Variants in MAPKAP1 observed in about 807,000 individuals in gnomAD.
MAPKAP1 encodes the protein MAPK associated protein 1.
A neutral mutation model predicts 65.7 loss-of-function variants in MAPKAP1; 20 were observed. That is an observed-to-expected ratio of 0.30 (90% CI 0.21 to 0.44). The LOEUF is 0.44. Among genes scored for constraint, MAPKAP1 ranks in the 20% least tolerant of loss-of-function variants. The pLI, the probability that MAPKAP1 is intolerant of heterozygous loss-of-function variation, is 1.00. For missense variants in MAPKAP1, 423 were observed against 648.0 expected (o/e 0.65, Z 3.77); for synonymous variants, 222 against 244.3 (o/e 0.91, Z 0.85).
chr9:125,501,783 G>T (rs1828988967), intron 8 of MAPKAP1, among the ~76,000 whole-genome samples: 2 of 151,574 alleles, frequency 1.3e-5, no homozygotes, highest in Non-Finnish European at 2.9e-5. Context: ...AATATTTTTG[G>T]TATAATTTTT....
intron 8 of MAPKAP1, 102 bp downstream of exon 8, chr9:125,506,208 A>C: frequency 2.0e-6 from 2 of 976,020 alleles, no homozygotes; most frequent in Non-Finnish European, 3.3e-6. Flanking sequence ...AGTCACTTCA[A>C]ATCTGCCTAG....
intron 4 of MAPKAP1, among the ~76,000 whole-genome samples, chr9:125,614,154 C>T (rs1433260395): frequency 6.6e-6 from 1 of 152,076 alleles, no homozygotes; most frequent in African/African-American, 2.4e-5. Flanking sequence ...CATATCCAAA[C>T]CTGAGAGTGT....
chr9:125,645,736 C>CAAAAAAAA (rs1044199278), intron 4 of MAPKAP1, among the ~76,000 whole-genome samples: 1 of 54,062 alleles, frequency 1.8e-5, no homozygotes, highest in African/African-American at 6.2e-5. Flanking sequence ...GACTCTGTCT[C>CAAAAAAAA]AAAAAAAAAA....
chr9:125,558,391 T>C (rs1239357840), intron 6 of MAPKAP1, among the ~76,000 whole-genome samples: 1 of 152,070 alleles, frequency 6.6e-6, no homozygotes, highest in Non-Finnish European at 1.5e-5. Context: ...GACCTTGTAG[T>C]AGGGATGAAA....
chr9:125,693,401 C>T (rs374708958), intron 1 of MAPKAP1, among the ~76,000 whole-genome samples: 23 of 130,504 alleles, frequency 1.8e-4, no homozygotes, highest in African/African-American at 5.9e-4. Flanking sequence ...GTAACAAGAG[C>T]GAAATTCCGC....
chr9:125,569,836 A>G (rs923504313), intron 5 of MAPKAP1, among the ~76,000 whole-genome samples: 1 of 152,268 alleles, frequency 6.6e-6, no homozygotes, highest in Non-Finnish European at 1.5e-5. Context: ...TATATAAAAG[A>G]GCTCTAATTG....
intron 4 of MAPKAP1, among the ~76,000 whole-genome samples, chr9:125,655,824 C>G (rs540059379): frequency 6.6e-6 from 1 of 152,324 alleles, no homozygotes; most frequent in East Asian, 1.9e-4. Context: ...TCACATCCTT[C>G]GTGGATTACA....
chr9:125,559,899 G>A (rs1005183829), intron 5 of MAPKAP1, 90 bp from the exon 6 acceptor site: 25 of 1,295,774 alleles, frequency 1.9e-5, no homozygotes, highest in African/African-American at 4.5e-5. Context: ...GCAAATTGAG[G>A]AGACTGCTTT....
intron 10 of MAPKAP1, among the ~76,000 whole-genome samples, chr9:125,445,438 T>C (rs907500): frequency 0.83 from 126,744 of 152,240 alleles, 52,941 homozygotes; most frequent in East Asian, 0.93. Context: ...TGGGAAAGAT[T>C]TGCTGATCCT....
intron 3 of MAPKAP1, 151 bp from the exon 4 acceptor site, chr9:125,657,950 G>A: frequency 1.4e-6 from 1 of 700,664 alleles, no homozygotes; most frequent in Non-Finnish European, 2.4e-6. Flanking sequence ...AATATACCGT[G>A]CACTGAAAAG....
intron 8 of MAPKAP1, among the ~76,000 whole-genome samples, chr9:125,505,368 T>C (rs1225387161): frequency 2.0e-5 from 3 of 151,944 alleles, no homozygotes; most frequent in African/African-American, 4.8e-5. Flanking sequence ...GAGGTTGCAG[T>C]GAGCTGAGAT....
intron 3 of MAPKAP1, among the ~76,000 whole-genome samples, chr9:125,663,406 T>C (rs1834246344): frequency 6.6e-6 from 1 of 152,186 alleles, no homozygotes; most frequent in South Asian, 2.1e-4. Flanking sequence ...ACCTTCCTAA[T>C]GAGCCCTTCC....
chr9:125,536,893 A>G (rs1437010116), intron 7 of MAPKAP1, among the ~76,000 whole-genome samples: 1 of 152,228 alleles, frequency 6.6e-6, no homozygotes, highest in Non-Finnish European at 1.5e-5. Flanking sequence ...ATGTTGCTTT[A>G]AGAAAGCTAG....
intron 4 of MAPKAP1, among the ~76,000 whole-genome samples, chr9:125,628,932 A>G (rs1392228892): frequency 6.6e-6 from 1 of 152,168 alleles, no homozygotes; most frequent in Non-Finnish European, 1.5e-5. Flanking sequence ...AAGGACTTGC[A>G]TAGATGTAAA....
At chr9:125,548,162 C>T (rs1041788254) in intron 6 of MAPKAP1, among the ~76,000 whole-genome samples, 1 of 152,202 alleles carries the variant, frequency 6.6e-6, no homozygotes, top group Non-Finnish European at 1.5e-5. Context: ...GGGAATTTAC[C>T]TGAGATCACT....
At chr9:125,483,283 T>C (rs1475405340) in intron 9 of MAPKAP1, among the ~76,000 whole-genome samples, 1 of 152,192 alleles carries the variant, frequency 6.6e-6, no homozygotes, top group Non-Finnish European at 1.5e-5. Flanking sequence ...TGTCTATTGA[T>C]AGAGCACAAT....
At chr9:125,533,821 T>G (rs750520644) in intron 7 of MAPKAP1, among the ~76,000 whole-genome samples, 3 of 152,192 alleles carry the variant, frequency 2.0e-5, no homozygotes, top group Non-Finnish European at 4.4e-5. Flanking sequence ...CAATCCATAT[T>G]TAAAATCTAG....
At chr9:125,702,574 G>T (rs888945010) in intron 1 of MAPKAP1, among the ~76,000 whole-genome samples, 1 of 150,788 alleles carries the variant, frequency 6.6e-6, no homozygotes, top group African/African-American at 2.4e-5. Flanking sequence ...GTACATGGCC[G>T]GATGCAATGG....
chr9:125,604,755 T>A (rs537130147), intron 4 of MAPKAP1, among the ~76,000 whole-genome samples: 1 of 152,390 alleles, frequency 6.6e-6, no homozygotes, highest in South Asian at 2.1e-4. Context: ...TTGTGTGTAC[T>A]GAAAATCAAC....
Sources: allele counts gnomAD v4.1 joint callset (sites outside exome capture counted in the v4.1 genomes callset), GRCh38; gene constraint gnomAD v4.1.1; transcripts MANE v1.5; gene names NCBI Gene and HGNC (gene_info 2026-07-23, HGNC 2026-07-21).